Variants in DNM3 observed in about 807,000 individuals in gnomAD.
DNM3 encodes the protein dynamin-3.
In DNM3, 47 loss-of-function variants were observed where a neutral mutation model predicts 101.6. The ratio of observed to expected loss-of-function variants is 0.46; its 90% CI spans 0.37 to 0.59. The LOEUF (loss-of-function observed/expected upper bound fraction) is 0.59. DNM3 is among the 20% of genes least tolerant of loss of function. DNM3 has a pLI of 0.00. For synonymous variants in DNM3, 385 were observed against 387.9 expected (o/e 0.99, Z 0.09); for missense variants, 849 against 1,085.7 (o/e 0.78, Z 3.06).
At chr1:172,369,447 A>G (rs1479500508) in intron 17 of DNM3, among the ~76,000 whole-genome samples, 1 of 152,008 alleles carries the variant, frequency 6.6e-6, no homozygotes, top group Non-Finnish European at 1.5e-5. Context: ...AAAACTCTCA[A>G]TAAATTAGAA....
At chr1:171,874,304 T>C (rs2035563496) in intron 1 of DNM3, among the ~76,000 whole-genome samples, 1 of 152,210 alleles carries the variant, frequency 6.6e-6, no homozygotes, top group African/African-American at 2.4e-5. Flanking sequence ...TTGATTAGGT[T>C]AATTATCTCT....
rs1432925777 is a variant in DNM3 at position 172,038,190 on chromosome 1, C to T, written c.850-129C>T. On this transcript the variant is annotated intron_variant, in intron 6 of 20. Coordinates refer to ENST00000627582, the MANE Select transcript of DNM3 (RefSeq NM_015569.5). ...TCTACATAATAGTCAATGTCAAATG[C>T]AGACATAATGTTTGAAATTTTGAAT... 3.4e-6 allele frequency: 4 copies of T among 1,190,622 alleles called. No individual in the cohort carries two copies. In the African/African-American group the frequency reaches 6.2e-5, roughly 18 times the overall value. 73.8% of individuals were successfully genotyped at this position (1,190,622 alleles called of 1,614,324 possible).
intron 16 of DNM3, among the ~76,000 whole-genome samples, chr1:172,317,102 C>G (rs1348698578): frequency 1.3e-5 from 2 of 151,698 alleles, no homozygotes; most frequent in African/African-American, 4.8e-5. Flanking sequence ...AACCGCTCAA[C>G]TACATGGAAA....
rs1226825433 is a variant in DNM3 at position 172,388,765 on chromosome 1, A to G, written c.2478A>G (p.Pro826=). The G allele has an allele frequency of 1.2e-6, 2 of 1,608,150 alleles. No homozygotes were observed. The highest frequency in any genetic ancestry group is 3.4e-5 in the Admixed American group (2 of 59,232). The change falls in exon 20 of 21, where the codon CCA becomes CCG. Residue 826 remains proline, a synonymous_variant. Transcript: ENST00000627582. ...GCAGTGACTCCTTCGGAGCCCCTCC[A>G]CAAGTTCCATCTAGGCCTACGAGGG... ...PSSSDSFGAP[P]QVPSRPTRAP...
At chr1:172,412,720 C>A (rs535338064), downstream of DNM3, 1 of 985,564 alleles carries the variant, frequency 1.0e-6, no homozygotes, top group Admixed American at 6.1e-5. Context: ...TTGAAGGACC[C>A]CTTTTCCTCA....
chr1:171,932,408 C>T (rs1295780132), intron 2 of DNM3, among the ~76,000 whole-genome samples: 1 of 151,844 alleles, frequency 6.6e-6, no homozygotes, highest in Non-Finnish European at 1.5e-5. Context: ...ATTTACCTGC[C>T]TTGGCTTCTC....
chr1:172,260,357 T>G (rs1326199300), intron 15 of DNM3, among the ~76,000 whole-genome samples: 1 of 152,140 alleles, frequency 6.6e-6, no homozygotes, highest in African/African-American at 2.4e-5. Context: ...TAGGAATGTC[T>G]AAATATTTTG....
At chr1:172,265,672 A>G (rs1299758605) in intron 15 of DNM3, among the ~76,000 whole-genome samples, 1 of 152,214 alleles carries the variant, frequency 6.6e-6, no homozygotes, top group Admixed American at 6.5e-5. Flanking sequence ...TGATTTTGTT[A>G]GAAATGCCAT....
chr1:171,957,478 G>A (rs578185666), intron 2 of DNM3, among the ~76,000 whole-genome samples: 17 of 152,268 alleles, frequency 1.1e-4, no homozygotes, highest in Admixed American at 3.3e-4. Flanking sequence ...GATTACAGGC[G>A]TGAGCCACTA....
At chr1:171,988,483 G>A (rs1228828061) in intron 3 of DNM3, among the ~76,000 whole-genome samples, 1 of 151,874 alleles carries the variant, frequency 6.6e-6, no homozygotes, top group Non-Finnish European at 1.5e-5. Context: ...TAAACCCAGG[G>A]CACCACGAAT....
intron 4 of DNM3, among the ~76,000 whole-genome samples, chr1:172,027,615 CACAGAG>C (rs1251184376): frequency 2.2e-5 from 3 of 139,278 alleles, no homozygotes; most frequent in East Asian, 4.2e-4. Flanking sequence ...CACACACACA[CACAGAG>C]AGAGAGAAAT....
At chr1:172,257,500 T>C (rs1352905525) in intron 15 of DNM3, among the ~76,000 whole-genome samples, 1 of 152,088 alleles carries the variant, frequency 6.6e-6, no homozygotes, top group Admixed American at 6.6e-5. Context: ...CCCTCTTCAT[T>C]CCTAATAATG....
At chr1:172,144,007 T>C (rs2057737801) in intron 14 of DNM3, among the ~76,000 whole-genome samples, 1 of 152,096 alleles carries the variant, frequency 6.6e-6, no homozygotes, top group Non-Finnish European at 1.5e-5. Flanking sequence ...AGTCCTGGGA[T>C]GTTAAAAGTT....
intron 2 of DNM3, among the ~76,000 whole-genome samples, chr1:171,982,288 G>T (rs544076746): frequency 1.3e-5 from 2 of 152,046 alleles, no homozygotes; most frequent in African/African-American, 4.8e-5. Flanking sequence ...AGTACAACTC[G>T]TTCTATAGAG....
intron 14 of DNM3, among the ~76,000 whole-genome samples, chr1:172,232,412 GAATT>G (rs1219032476): frequency 6.6e-6 from 1 of 152,120 alleles, no homozygotes; most frequent in Non-Finnish European, 1.5e-5. Flanking sequence ...CCTACAAAGA[GAATT>G]AGACTCCCAT....
intron 2 of DNM3, among the ~76,000 whole-genome samples, chr1:171,925,353 G>A (rs957993412): frequency 2.6e-5 from 4 of 151,824 alleles, no homozygotes; most frequent in South Asian, 2.1e-4. Context: ...TCAGCCTCCC[G>A]AGTAGCTGGG....
At chr1:172,361,513 C>T (rs576767716) in intron 17 of DNM3, among the ~76,000 whole-genome samples, 1 of 152,076 alleles carries the variant, frequency 6.6e-6, no homozygotes, top group East Asian at 1.9e-4. Context: ...ACTTATATCT[C>T]TTTACTGCAG....
intron 16 of DNM3, among the ~76,000 whole-genome samples, chr1:172,316,136 C>A (rs2065340089): frequency 1.3e-5 from 2 of 152,048 alleles, no homozygotes; most frequent in Non-Finnish European, 1.5e-5. Context: ...TCCAGCCAAA[C>A]TAAGCTTCAT....
chr1:171,876,571 G>T lies in DNM3; in HGVS notation c.161+34754G>T, dbSNP rs978927323. ...GTTGTGGCTTTGTATTTATTCCTGAGTGTCTTTTCCTTCTTCCAGGCTAAC... is the reference window on the plus strand; with the variant it reads ...GTTGTGGCTTTGTATTTATTCCTGATTGTCTTTTCCTTCTTCCAGGCTAAC... On this transcript the variant is annotated intron_variant, in intron 1 of 20. Transcript: ENST00000627582. Among the ~76,000 whole-genome samples the T allele has an allele frequency of 3.3e-5, 5 of 152,082 alleles. No homozygotes were observed. In the East Asian group the frequency reaches 9.6e-4, roughly 29 times the overall value.
Sources: gnomAD v4.1 joint callset for allele counts (sites outside exome capture counted in the v4.1 genomes callset) on GRCh38, gnomAD v4.1.1 for gene constraint, MANE v1.5 for transcripts, NCBI Gene and HGNC (gene_info 2026-07-23, HGNC 2026-07-21) for gene names.